The following CAPN3 variants were observed in gnomAD, a reference collection of about 807,000 sequenced individuals.
CAPN3 encodes calpain-3.
CAPN3 carries 88 observed loss-of-function variants against 114.0 expected under a neutral mutation model. That is an observed-to-expected ratio of 0.77 (90% CI 0.65 to 0.92). The LOEUF (loss-of-function observed/expected upper bound fraction) is 0.92, where lower values mean the gene tolerates loss of function less well. CAPN3 is among the 40% of genes least tolerant of loss of function. CAPN3 has a pLI of 0.00. For synonymous variants in CAPN3, 386 were observed against 382.9 expected, an observed-to-expected ratio of 1.01 and a Z score of -0.09; for missense variants, 1,028 against 1,069.0, an observed-to-expected ratio of 0.96 and a Z score of 0.53.
At chr15:42,393,487 G>T (rs1027873960) in intron 7 of CAPN3, among the ~76,000 whole-genome samples, 20 of 152,346 alleles carry the variant, frequency 1.3e-4, no homozygotes, top group Non-Finnish European at 2.1e-4. Flanking sequence ...TGTACAGAGG[G>T]ATGGGCTGAG....
chr15:42,384,439 A>G lies in CAPN3; in HGVS notation c.310-44A>G, dbSNP rs111276174. The G allele has an allele frequency of 2.4e-3, 3,302 of 1,361,262 alleles. 51 individuals are homozygous for G. The African/African-American group carries it at 0.037, about 15-fold the overall frequency. The allele number at this position is 1,361,262 out of a possible 1,614,324, so 84.3% of individuals were successfully genotyped here. ...AAAATACCTATCTATCTATCTGTCT[A>G]TCTACTGTTATTCTTACCTGGTCAT... On this transcript the variant is annotated intron_variant, in intron 1 of 23. Transcript: ENST00000397163.
chr15:42,392,326 C>T (rs2053577001), intron 6 of CAPN3, among the ~76,000 whole-genome samples: 1 of 152,088 alleles, frequency 6.6e-6, no homozygotes, highest in African/African-American at 2.4e-5. Context: ...CCCCTTCCTC[C>T]TTTGAAGGAT....
chr15:42,394,105 C>A, intron 7 of CAPN3, 151 bp from the exon 8 acceptor site: 1 of 763,260 alleles, frequency 1.3e-6, no homozygotes, highest in Admixed American at 2.0e-5. Flanking sequence ...CATTCCCCAG[C>A]ACACTTGTGA....
chr15:42,382,234 G>A (rs116109811), intron 1 of CAPN3, among the ~76,000 whole-genome samples: 2,215 of 151,464 alleles, frequency 0.015, 55 homozygotes, highest in African/African-American at 0.051. Flanking sequence ...TTGAATCCCA[G>A]TAATTTTCTA....
In CAPN3 at chr15:42,386,266, C is replaced by G. The variant is rs17592; in HGVS notation, c.479C>G (p.Ala160Gly). 2.6e-3 allele frequency: 4,253 copies of G among 1,612,222 alleles called. 98 individuals carry two copies. In the African/African-American group the frequency reaches 0.051, roughly 19 times the overall value. Reference protein sequence around the residue: ...PHDQSFIENYAGIFHFQFWRY... With the variant: ...PHDQSFIENYGGIFHFQFWRY... ...GATCAAAGTTTCATCGAAAACTACGCAGGGATCTTCCACTTCCAGGTGAGG... is the reference window on the plus strand; with the variant it reads ...GATCAAAGTTTCATCGAAAACTACGGAGGGATCTTCCACTTCCAGGTGAGG... Residue 160 changes from alanine (A) to glycine (G), a missense_variant, in exon 3 of 24, where the codon GCA (alanine) becomes GGA (glycine). Coordinates refer to ENST00000397163, the MANE Select transcript of CAPN3 (RefSeq NM_000070.3).
intron 9 of CAPN3, among the ~76,000 whole-genome samples, chr15:42,398,747 A>G (rs1351891111): frequency 3.3e-5 from 4 of 121,740 alleles, no homozygotes; most frequent in Admixed American, 2.5e-4. Flanking sequence ...TTGTTTAGCT[A>G]TGTTTGTCTT....
chr15:42,381,860 A>G (rs970052849), intron 1 of CAPN3, among the ~76,000 whole-genome samples: 3 of 152,152 alleles, frequency 2.0e-5, no homozygotes, highest in Admixed American at 6.6e-5. Flanking sequence ...TAAATCTACA[A>G]ATAACGAAAT....
At chr15:42,361,343 A>G (rs993921859) in intron 1 of CAPN3, among the ~76,000 whole-genome samples, 5 of 152,246 alleles carry the variant, frequency 3.3e-5, no homozygotes, top group Non-Finnish European at 4.4e-5. Flanking sequence ...ATGGTGGCAC[A>G]TGCCTGTGGT....
At chr15:42,402,277 C>T in intron 12 of CAPN3, 142 bp downstream of exon 12, 1 of 1,594,580 alleles carries the variant, frequency 6.3e-7, no homozygotes, top group Non-Finnish European at 8.5e-7. Flanking sequence ...GTTATTTCCA[C>T]TGCAGAGCAG....
Position 42,390,093 on chromosome 15 carries a change from C to T in CAPN3, c.942C>T (p.Thr314=). The T allele has an allele frequency of 5.6e-6, 9 of 1,614,142 alleles. No individual in the cohort carries two copies. Among genetic ancestry groups the T allele is most frequent in the African/African-American group, 2.7e-5 (2 of 75,020 alleles). The change falls in exon 6 of 24, where the codon ACC becomes ACT. Residue 314 remains threonine, a synonymous_variant. Transcript: ENST00000397163. ...CCAGAGGCTCAGATGAAAGACCGAC[C>T]CGGGTGTGTACACCTCCGATTATCA... ...LDPRGSDERP[T]RTIIPVQYET...
intron 1 of CAPN3, among the ~76,000 whole-genome samples, chr15:42,376,953 T>A (rs2053104644): frequency 6.6e-6 from 1 of 152,228 alleles, no homozygotes; most frequent in Non-Finnish European, 1.5e-5. Flanking sequence ...ATTTTTAAAT[T>A]TCGAATTCCA....
intron 1 of CAPN3, among the ~76,000 whole-genome samples, chr15:42,383,100 C>T (rs552439324): frequency 6.6e-6 from 1 of 152,126 alleles, no homozygotes; most frequent in Non-Finnish European, 1.5e-5. Flanking sequence ...GCAGATGGGA[C>T]GCATGCTGTG....
chr15:42,409,441 C>T (rs1032500753), intron 17 of CAPN3, 61 bp downstream of exon 17: 2 of 1,420,416 alleles, frequency 1.4e-6, no homozygotes, highest in African/African-American at 1.4e-5. Flanking sequence ...ATTAACTGCT[C>T]AGATTACCAA....
intron 8 of CAPN3, among the ~76,000 whole-genome samples, chr15:42,396,357 C>T (rs2141185297): frequency 6.6e-6 from 1 of 151,930 alleles, no homozygotes; most frequent in East Asian, 1.9e-4. Flanking sequence ...ATTCTTCTGC[C>T]TTAGCCTCCT....
At chr15:42,376,052 TC>T (rs1443929733) in intron 1 of CAPN3, among the ~76,000 whole-genome samples, 1 of 152,206 alleles carries the variant, frequency 6.6e-6, no homozygotes, top group Non-Finnish European at 1.5e-5. Flanking sequence ...GCGGTTTTTC[TC>T]CTTATGGGCT....
intron 6 of CAPN3, among the ~76,000 whole-genome samples, chr15:42,391,458 T>G (rs1260488720): frequency 6.6e-6 from 1 of 152,048 alleles, no homozygotes; most frequent in African/African-American, 2.4e-5. Flanking sequence ...TTCAGCATGA[T>G]CTGGATCATG....
intron 16 of CAPN3, chr15:42,409,055 C>T (rs1050979442): frequency 2.8e-5 from 14 of 497,256 alleles, no homozygotes; most frequent in South Asian, 1.0e-4. Flanking sequence ...ACTGGGGTGG[C>T]GGGGAGGAGG....
At chr15:42,391,270 C>T (rs544464397) in intron 6 of CAPN3, among the ~76,000 whole-genome samples, 6 of 152,154 alleles carry the variant, frequency 3.9e-5, no homozygotes, top group South Asian at 4.2e-4. Context: ...AATGCTATAA[C>T]GAACATCCCA....
At chr15:42,374,746 C>T (rs1008690922) in intron 1 of CAPN3, among the ~76,000 whole-genome samples, 11 of 148,996 alleles carry the variant, frequency 7.4e-5, no homozygotes, top group Admixed American at 6.7e-4. Flanking sequence ...TCCCTGAAAT[C>T]GTAAATATTT....
Sources: allele counts gnomAD v4.1 joint callset (sites outside exome capture counted in the v4.1 genomes callset), GRCh38; gene constraint gnomAD v4.1.1; transcripts MANE v1.5; gene names NCBI Gene and HGNC (gene_info 2026-07-23, HGNC 2026-07-21).